The following PECAM1 variants were observed in gnomAD, a reference collection of about 807,000 sequenced individuals.
PECAM1 encodes the protein platelet and endothelial cell adhesion molecule 1.
A neutral mutation model predicts 13.8 loss-of-function variants in PECAM1; 8 were observed. The observed-to-expected ratio is 0.58, with a 90% CI of 0.34 to 1.05. The LOEUF is 1.05. Ranked by LOEUF, PECAM1 falls within the 50% of genes least tolerant of loss-of-function variation. PECAM1 has a pLI of 0.03. For missense variants in PECAM1, 304 were observed against 141.2 expected, an observed-to-expected ratio of 2.15 and a Z score of -5.84; for synonymous variants, 136 against 52.6, an observed-to-expected ratio of 2.58 and a Z score of -6.86.
chr17:64,386,955 AG>A (rs1321069546), intron 2 of PECAM1, among the ~76,000 whole-genome samples: 1 of 151,034 alleles, frequency 6.6e-6, no homozygotes, highest in Non-Finnish European at 1.5e-5. Context: ...TTAGGGGAGG[AG>A]GGGGGAATGT....
intron 12 of PECAM1, 41 bp downstream of exon 12, chr17:64,350,338 GT>G (rs1267718311): frequency 2.4e-6 from 1 of 410,658 alleles, no homozygotes; most frequent in African/African-American, 2.1e-5. Flanking sequence ...TTTTTTTAAT[GT>G]AAAAGTTGGT....
In PECAM1 at chr17:64,321,962, T is replaced by C; in HGVS notation, c.*1854A>G. The C allele has an allele frequency of 1.5e-6, 2 of 1,306,314 alleles. No homozygotes were observed. Among genetic ancestry groups the C allele is most frequent in the Non-Finnish European group, 2.0e-6 (2 of 989,178 alleles). The allele number at this position is 1,306,314 out of a possible 1,614,324, so 80.9% of individuals were successfully genotyped here. A position where few individuals can be genotyped will look rare whatever the true frequency, so the allele number is the denominator to read the frequency against. On this transcript the variant is annotated 3_prime_UTR_variant, in exon 16 of 16. Coordinates refer to ENST00000563924, the MANE Select transcript of PECAM1 (RefSeq NM_000442.5). ...AGGTCGTTAGAGGTCGTCTGATCCTTTGACCTCAATCTGAGCCCACCACTC... is the reference window on the plus strand; with the variant it reads ...AGGTCGTTAGAGGTCGTCTGATCCTCTGACCTCAATCTGAGCCCACCACTC...
chr17:64,347,797 C>G (rs1364760391), intron 13 of PECAM1, among the ~76,000 whole-genome samples: 1 of 149,366 alleles, frequency 6.7e-6, no homozygotes, highest in Non-Finnish European at 1.5e-5. Context: ...GTGGCGCAAT[C>G]TCAGCTCACT....
At chr17:64,346,346 AT>A (rs1214102201) in intron 13 of PECAM1, among the ~76,000 whole-genome samples, 3 of 151,162 alleles carry the variant, frequency 2.0e-5, no homozygotes, top group African/African-American at 7.3e-5. Flanking sequence ...TGCATTTTTA[AT>A]TTTTTTTTAG....
intron 15 of PECAM1, among the ~76,000 whole-genome samples, chr17:64,329,003 A>G (rs1372977737): frequency 2.3e-4 from 35 of 152,098 alleles, no homozygotes; most frequent in Admixed American, 1.7e-3. Context: ...GCCCTGACTT[A>G]TCTTTCTCCC....
chr17:64,354,331 G>T (rs2035801360), intron 9 of PECAM1, among the ~76,000 whole-genome samples: 1 of 152,040 alleles, frequency 6.6e-6, no homozygotes. Flanking sequence ...TCAACGCCAG[G>T]GTGTGCTCTA....
Position 64,352,393 on chromosome 17 carries a change from A to G in PECAM1, c.1987T>C (p.Tyr663His). ...TGGCAGGAGAACATGACTTTACCGT[A>G]ATGACTGTTAGCTTCCATATTGGGA... ...SDPNMEANSH[Y>H]GHNDDVRNHA... Residue 663 changes from tyrosine to histidine, a missense_variant, in exon 11 of 16, where the codon TAC (tyrosine) becomes CAC (histidine). Physicochemically the swap from Tyr to His is moderately conservative, Grantham distance 83. Coordinates refer to ENST00000563924, the MANE Select transcript of PECAM1 (RefSeq NM_000442.5). 2.1e-6 allele frequency: 1 copy of G among 475,182 alleles called. No homozygotes were observed. Among genetic ancestry groups the G allele is most frequent in the Non-Finnish European group, 3.9e-6 (1 of 258,988 alleles). The allele number at this position is 475,182 out of a possible 1,614,324, so 29.4% of individuals were successfully genotyped here. A position where few individuals can be genotyped will look rare whatever the true frequency, so the allele number is the denominator to read the frequency against.
At chr17:64,352,659 C>A (rs986522571) in intron 10 of PECAM1, among the ~76,000 whole-genome samples, 196 bp from the exon 11 acceptor site, 7 of 146,288 alleles carry the variant, frequency 4.8e-5, no homozygotes, top group Non-Finnish European at 9.1e-5. Context: ...TGTAAAAAAA[C>A]TTTTTTTTTT....
intron 2 of PECAM1, among the ~76,000 whole-genome samples, chr17:64,386,111 A>G (rs2143913049): frequency 6.6e-6 from 1 of 152,330 alleles, no homozygotes; most frequent in South Asian, 2.1e-4. Flanking sequence ...TGGACTCAAC[A>G]GGACTTGTTT....
At chr17:64,341,872 G>A (rs1472683931) in intron 13 of PECAM1, among the ~76,000 whole-genome samples, 182 bp from the exon 14 acceptor site, 2 of 152,118 alleles carry the variant, frequency 1.3e-5, no homozygotes, top group Non-Finnish European at 2.9e-5. Context: ...GATCCTGGCT[G>A]GGCAAGGTGG....
chr17:64,380,850 T>C (rs1247672727), intron 2 of PECAM1, among the ~76,000 whole-genome samples: 1 of 151,966 alleles, frequency 6.6e-6, no homozygotes, highest in Admixed American at 6.6e-5. Flanking sequence ...AGCCAGGCAT[T>C]GTGGCATGCA....
At chr17:64,368,804 G>C (rs1356005809) in intron 5 of PECAM1, among the ~76,000 whole-genome samples, 6 of 148,228 alleles carry the variant, frequency 4.0e-5, no homozygotes, top group African/African-American at 1.5e-4. Flanking sequence ...AGTGGGCCGA[G>C]ATCGTGCCAC....
At chr17:64,328,314 C>T (rs950029811) in intron 15 of PECAM1, among the ~76,000 whole-genome samples, 4 of 152,188 alleles carry the variant, frequency 2.6e-5, no homozygotes, top group African/African-American at 9.6e-5. Context: ...ATTTTCCACT[C>T]TCTCAAAGCC....
intron 2 of PECAM1, among the ~76,000 whole-genome samples, chr17:64,384,112 T>C (rs886714740): frequency 3.3e-5 from 5 of 151,990 alleles, no homozygotes; most frequent in Non-Finnish European, 5.9e-5. Flanking sequence ...GCCTGAGCAA[T>C]AGAGCAAAAA....
intron 2 of PECAM1, among the ~76,000 whole-genome samples, chr17:64,379,816 A>C (rs1455257344): frequency 1.3e-5 from 2 of 151,216 alleles, no homozygotes; most frequent in Non-Finnish European, 3.0e-5. Flanking sequence ...TTGAGCCCAG[A>C]AGTTCGAGAC....
intron 14 of PECAM1, among the ~76,000 whole-genome samples, chr17:64,336,092 C>T (rs1035341637): frequency 1.1e-4 from 17 of 151,600 alleles, no homozygotes; most frequent in African/African-American, 1.5e-4. Context: ...GGTGAAACAC[C>T]GTCTCTACTA....
chr17:64,336,294 G>C (rs988724552), intron 14 of PECAM1, among the ~76,000 whole-genome samples: 105 of 150,772 alleles, frequency 7.0e-4, no homozygotes, highest in African/African-American at 2.3e-3. Flanking sequence ...AAGAAAGAAA[G>C]AAAGAAATGA....
chr17:64,323,501 A>G lies in PECAM1; in HGVS notation c.*315T>C, dbSNP rs2034857489. 1 of 1,320,486 alleles carries G rather than the reference A, an allele frequency of 7.6e-7. No individual in the cohort carries two copies. Among genetic ancestry groups the G allele is most frequent in the African/African-American group, 1.5e-5 (1 of 67,218 alleles). The allele number at this position is 1,320,486 out of a possible 1,614,324, so 81.8% of individuals were successfully genotyped here. ...AAGGTCTTTATCTCTGCACAAAACAAAATATTCAAGTTTCAGAATATCCCA... is the reference window on the plus strand; with the variant it reads ...AAGGTCTTTATCTCTGCACAAAACAGAATATTCAAGTTTCAGAATATCCCA... On this transcript the variant is annotated 3_prime_UTR_variant, in exon 16 of 16. Transcript: ENST00000563924.
chr17:64,345,366 AG>A, intron 13 of PECAM1, among the ~76,000 whole-genome samples: 1 of 152,064 alleles, frequency 6.6e-6, no homozygotes, highest in Non-Finnish European at 1.5e-5. Flanking sequence ...CTGCCTGCGT[AG>A]GGCCTTAATC....
Sources: allele counts gnomAD v4.1 joint callset (sites outside exome capture counted in the v4.1 genomes callset), GRCh38; gene constraint gnomAD v4.1.1; transcripts MANE v1.5; gene names NCBI Gene and HGNC (gene_info 2026-07-23, HGNC 2026-07-21).